Variants in SRFBP1 observed in about 807,000 individuals in gnomAD.
SRFBP1 encodes the protein serum response factor-binding protein 1.
SRFBP1 carries 47 observed loss-of-function variants against 45.5 expected under a neutral mutation model. That is an observed-to-expected ratio of 1.03 (90% confidence interval 0.82 to 1.32). The LOEUF is 1.32. SRFBP1 is among the 40% of genes most tolerant of loss of function. The probability of loss-of-function intolerance (pLI) is 0.00; values close to 1 mark genes in which losing one functional copy is unlikely to be tolerated. For synonymous variants in SRFBP1, 203 were observed against 166.3 expected (o/e 1.22, Z -1.70); for missense variants, 621 against 484.6 (o/e 1.28, Z -2.64).
intron 4 of SRFBP1, among the ~76,000 whole-genome samples, chr5:122,018,302 A>C (rs2112704718): frequency 6.6e-6 from 1 of 152,334 alleles, no homozygotes; most frequent in South Asian, 2.1e-4. Context: ...GACCAGGCAT[A>C]AGTTTAATTA....
chr5:121,961,978 G>C lies in SRFBP1; in HGVS notation c.-55G>C. ...TGAGGGGCGTGGCGACGCAGCCGCG[G>C]TCTGAGAGACCGGTTCACGTGCAGG... On this transcript the variant is annotated 5_prime_UTR_variant, in exon 1 of 8. Coordinates refer to ENST00000339397, the MANE Select transcript of SRFBP1 (RefSeq NM_152546.3). The C allele has an allele frequency of 6.2e-7, 1 of 1,612,584 alleles. No individual in the cohort carries two copies. The highest frequency in any genetic ancestry group is 1.1e-5 in the South Asian group (1 of 91,054).
Position 122,070,150 on chromosome 5 carries a change from A to G in SRFBP1, n.312-5165A>G, listed in dbSNP as rs1754408984. On this transcript the variant is annotated intron_variant and non_coding_transcript_variant, in intron 2 of 2. Transcript: ENST00000504881. Reference sequence around the variant, plus strand: ...GTATAGTCAGATTCAGGAACCAGGTAGCTGGGGTTTACACTGACCTGGGCA... The same window carrying G: ...GTATAGTCAGATTCAGGAACCAGGTGGCTGGGGTTTACACTGACCTGGGCA... 1 of 1,611,178 alleles carries G rather than the reference A, an allele frequency of 6.2e-7. No individual in the cohort carries two copies. The highest frequency in any genetic ancestry group is 8.5e-7 in the Non-Finnish European group (1 of 1,177,518).
intron 3 of SRFBP1, among the ~76,000 whole-genome samples, chr5:121,991,474 A>C (rs79537080): frequency 0.027 from 4,162 of 152,202 alleles, 203 homozygotes; most frequent in African/African-American, 0.095. Context: ...GCAGACTCTT[A>C]GGAGGATTCA....
chr5:121,977,253 T>C (rs1008432767), intron 3 of SRFBP1, among the ~76,000 whole-genome samples: 1 of 152,186 alleles, frequency 6.6e-6, no homozygotes, highest in Admixed American at 6.5e-5. Context: ...GCCAAATTCA[T>C]AGCCTATGTA....
chr5:121,971,125 A>G (rs757108218), intron 1 of SRFBP1, among the ~76,000 whole-genome samples: 9 of 152,060 alleles, frequency 5.9e-5, no homozygotes, highest in Admixed American at 3.3e-4. Flanking sequence ...TCTGAGAGCA[A>G]TTGGACACCG....
intron 2 of SRFBP1, among the ~76,000 whole-genome samples, chr5:122,072,770 T>C (rs945644803): frequency 2.6e-5 from 4 of 152,096 alleles, no homozygotes; most frequent in Admixed American, 2.6e-4. Context: ...CCATATAAAA[T>C]GAAATGGGGT....
intron 4 of SRFBP1, among the ~76,000 whole-genome samples, chr5:121,998,527 A>C (rs1374196291): frequency 1.3e-5 from 1 of 74,096 alleles, no homozygotes; most frequent in Non-Finnish European, 2.5e-5. Context: ...GGGTGGGGGG[A>C]GGGGGGAGGG....
intron 1 of SRFBP1, among the ~76,000 whole-genome samples, chr5:121,973,153 A>T (rs1252613739): frequency 9.2e-5 from 14 of 151,592 alleles, no homozygotes; most frequent in Admixed American, 9.2e-4. Context: ...AAAACACTAT[A>T]TAAATATTAC....
intron 1 of SRFBP1, among the ~76,000 whole-genome samples, chr5:121,962,702 G>A (rs1432868809): frequency 6.6e-6 from 1 of 152,072 alleles, no homozygotes; most frequent in East Asian, 1.9e-4. Context: ...CATAGTGTGC[G>A]GTGTCGACAA....
intron 3 of SRFBP1, among the ~76,000 whole-genome samples, chr5:121,990,822 C>T (rs1580510617): frequency 6.6e-6 from 1 of 152,296 alleles, no homozygotes; most frequent in East Asian, 1.9e-4. Flanking sequence ...GACTACATGT[C>T]TTATTGCCTG....
Position 122,070,574 on chromosome 5 carries a change from A to G in SRFBP1, n.312-4741A>G. On this transcript the variant is annotated intron_variant and non_coding_transcript_variant, in intron 2 of 2. Coordinates refer to the SRFBP1 transcript ENST00000504881. ...ATGTCTGCACCATAGGTATCATAAC[A>G]GCCAGGACTCAATCCCTAAGATAAA... is the stretch of plus-strand genomic sequence containing the variant. 1 of 1,596,450 alleles carries G rather than the reference A, an allele frequency of 6.3e-7. No homozygotes were observed. Among genetic ancestry groups the G allele is most frequent in the Non-Finnish European group, 8.6e-7 (1 of 1,166,030 alleles).
At chr5:122,002,209 A>C (rs1458996926) in intron 4 of SRFBP1, among the ~76,000 whole-genome samples, 2 of 152,202 alleles carry the variant, frequency 1.3e-5, no homozygotes, top group African/African-American at 4.8e-5. Context: ...CATGGAGGTT[A>C]GTTTGTCCAG....
At position 122,070,582 on chromosome 5, in the gene SRFBP1, C is replaced by T. The variant is rs754162352; in HGVS notation, n.312-4733C>T. The T allele has an allele frequency of 6.3e-7, 1 of 1,576,170 alleles. No homozygotes were observed. The highest frequency in any genetic ancestry group is 1.1e-5 in the South Asian group (1 of 88,444). Reference sequence around the variant, plus strand: ...ACCATAGGTATCATAACAGCCAGGACTCAATCCCTAAGATAAACAAAATAA... The same window carrying T: ...ACCATAGGTATCATAACAGCCAGGATTCAATCCCTAAGATAAACAAAATAA... On this transcript the variant is annotated intron_variant and non_coding_transcript_variant, in intron 2 of 2. Transcript: ENST00000504881.
At chr5:122,049,393 A>G (rs941506149) in intron 2 of SRFBP1, among the ~76,000 whole-genome samples, 3 of 152,182 alleles carry the variant, frequency 2.0e-5, no homozygotes, top group Non-Finnish European at 2.9e-5. Flanking sequence ...TTAGAGACCT[A>G]GAAAGTGACT....
chr5:121,971,799 C>G (rs1162615965), intron 1 of SRFBP1, among the ~76,000 whole-genome samples: 3 of 151,950 alleles, frequency 2.0e-5, no homozygotes, highest in African/African-American at 7.2e-5. Flanking sequence ...AGAAAACTAT[C>G]TTGGAAAACT....
At chr5:122,008,140 G>A (rs1381484289) in intron 4 of SRFBP1, among the ~76,000 whole-genome samples, 1 of 151,890 alleles carries the variant, frequency 6.6e-6, no homozygotes, top group Non-Finnish European at 1.5e-5. Context: ...GAGACCACAA[G>A]TGCTGACCTG....
At chr5:122,048,610 A>G (rs565436604) in intron 2 of SRFBP1, among the ~76,000 whole-genome samples, 4 of 152,294 alleles carry the variant, frequency 2.6e-5, no homozygotes, top group African/African-American at 9.6e-5. Flanking sequence ...GGATAGTTTC[A>G]GAAGGAATGG....
At chr5:122,040,547 G>A (rs927824232) in intron 2 of SRFBP1, among the ~76,000 whole-genome samples, 2 of 152,064 alleles carry the variant, frequency 1.3e-5, no homozygotes, top group African/African-American at 4.8e-5. Context: ...CAACGACTAC[G>A]GTATGAATAC....
intron 2 of SRFBP1, among the ~76,000 whole-genome samples, chr5:122,057,497 G>A (rs1754103495): frequency 6.7e-6 from 1 of 149,962 alleles, no homozygotes; most frequent in African/African-American, 2.4e-5. Context: ...GTGTGTGTAT[G>A]AGTGTGTGTG....
Sources: gnomAD v4.1 joint callset for allele counts (sites outside exome capture counted in the v4.1 genomes callset) on GRCh38, gnomAD v4.1.1 for gene constraint, MANE v1.5 for transcripts, NCBI Gene and HGNC (gene_info 2026-07-23, HGNC 2026-07-21) for gene names.